The following FTCDNL1 variants were observed in gnomAD, a reference collection of about 807,000 sequenced individuals.
The protein encoded by FTCDNL1 is formiminotransferase N-terminal subdomain-containing protein.
Under a neutral mutation model 5.9 loss-of-function variants are expected in FTCDNL1, and 11 were observed. The ratio of observed to expected loss-of-function variants is 1.87; its 90% CI spans 1.18 to 3.10. FTCDNL1 has a LOEUF of 3.10. FTCDNL1 is among the 30% of genes most tolerant of loss of function. The pLI, the probability that FTCDNL1 is intolerant of heterozygous loss-of-function variation, is 0.00. For synonymous variants in FTCDNL1, 58 were observed against 24.8 expected (o/e 2.34, Z -3.99); for missense variants, 115 against 65.5 (o/e 1.76, Z -2.61).
chr2:199,739,052 AGAAG>A, the FTCDNL1 span, among the ~76,000 whole-genome samples: 5 of 152,248 alleles, frequency 3.3e-5, no homozygotes, highest in Admixed American at 6.5e-5. Flanking sequence ...ACCATGTCTC[AGAAG>A]GAAGGAAGAA....
downstream of FTCDNL1, among the ~76,000 whole-genome samples, chr2:199,804,864 CA>C (rs1371189802): frequency 2.0e-5 from 3 of 152,202 alleles, no homozygotes; most frequent in Non-Finnish European, 4.4e-5. Context: ...AAATTGTCAA[CA>C]GTTGTTGAAC....
In FTCDNL1 at chr2:199,774,548, G is replaced by C. The variant is rs1574470402; in HGVS notation, c.212-13713C>G. Among the ~76,000 whole-genome samples, 5 of 152,248 alleles carry C rather than the reference G, an allele frequency of 3.3e-5. No individual in the cohort carries two copies. The East Asian group carries it at 9.6e-4, about 29-fold the overall frequency. ...GCAGTTTTTAATGGTGGGGGCTTTA[G>C]GGGGTGGGCATGCTAGCCTTGAACA... is the stretch of plus-strand genomic sequence containing the variant. On this transcript the variant is annotated intron_variant, in intron 3 of 3. Transcript: ENST00000416668.
At chr2:199,839,664 C>A (rs1559242670) in intron 3 of FTCDNL1, among the ~76,000 whole-genome samples, 2 of 152,086 alleles carry the variant, frequency 1.3e-5, no homozygotes, top group Admixed American at 1.3e-4. Flanking sequence ...ACACTGGGAA[C>A]CAAGCAAAGA....
intron 4 of FTCDNL1, among the ~76,000 whole-genome samples, chr2:199,817,843 C>T (rs893866634): frequency 6.6e-6 from 1 of 151,938 alleles, no homozygotes; most frequent in African/African-American, 2.4e-5. Context: ...GAGGCAGAGA[C>T]ACAGATTATC....
the FTCDNL1 span, among the ~76,000 whole-genome samples, chr2:199,676,598 C>CA: frequency 6.6e-6 from 1 of 151,692 alleles, no homozygotes; most frequent in Admixed American, 6.6e-5. Flanking sequence ...AAAACATGCA[C>CA]AAAAAATAAA....
chr2:199,841,578 A>G (rs936816242), intron 3 of FTCDNL1, among the ~76,000 whole-genome samples: 1 of 152,152 alleles, frequency 6.6e-6, no homozygotes, highest in Non-Finnish European at 1.5e-5. Context: ...CTATGTAAAC[A>G]TTGTTCACGA....
chr2:199,747,026 AACACACACACACACACACACACAC>A, the FTCDNL1 span, among the ~76,000 whole-genome samples: 2 of 145,828 alleles, frequency 1.4e-5, no homozygotes, highest in African/African-American at 2.5e-5. Flanking sequence ...GTTTATTTAA[AACACACACACACACACACACACAC>A]ACACACACAC....
chr2:199,830,804 G>T (rs990295388), intron 3 of FTCDNL1, among the ~76,000 whole-genome samples: 2 of 152,112 alleles, frequency 1.3e-5, no homozygotes, highest in Non-Finnish European at 2.9e-5. Flanking sequence ...GAACATCATT[G>T]AGAAGCACAT....
chr2:199,792,108 T>C (rs1036601474), intron 3 of FTCDNL1, among the ~76,000 whole-genome samples: 4 of 151,438 alleles, frequency 2.6e-5, no homozygotes, highest in African/African-American at 9.8e-5. Flanking sequence ...CACAGTAAAT[T>C]TTGTTGAAAA....
chr2:199,786,521 C>T (rs1211036633), intron 3 of FTCDNL1, among the ~76,000 whole-genome samples: 1 of 152,020 alleles, frequency 6.6e-6, no homozygotes, highest in East Asian at 1.9e-4. Flanking sequence ...TTAGGAGTGA[C>T]ACAATTACTT....
the FTCDNL1 span, among the ~76,000 whole-genome samples, chr2:199,713,952 G>A: frequency 6.0e-4 from 92 of 152,136 alleles, no homozygotes; most frequent in Non-Finnish European, 1.2e-3. Context: ...GGCAAAACTG[G>A]GTCAAATACC....
rs140949354 is a variant in FTCDNL1, at chr2:199,809,599, G to T, written c.*3106C>A. Among the ~76,000 whole-genome samples the T allele has an allele frequency of 2.6e-3, 392 of 152,102 alleles. No individual in the cohort carries two copies. Among genetic ancestry groups the T allele is most frequent in the African/African-American group, 8.8e-3 (364 of 41,488 alleles). Reference sequence around the variant, plus strand: ...ATAGCTTCTTTTAGTATACAAAAAGGCTACAAATTTTCTTTTCTTTCAAAT... The same window carrying T: ...ATAGCTTCTTTTAGTATACAAAAAGTCTACAAATTTTCTTTTCTTTCAAAT... On this transcript the variant is annotated 3_prime_UTR_variant, in exon 5 of 5. Transcript: ENST00000420128.
rs35659317 is a variant in FTCDNL1 at position 199,849,557 on chromosome 2, TAA to T, written c.-7-590_-7-589del. ...TTCCACCAAAGTTTCTAAATCAGTTTAAAGTCTTTTTACAAAATTCTGTAACT... is the reference window on the plus strand; with the variant it reads ...TTCCACCAAAGTTTCTAAATCAGTTTAGTCTTTTTACAAAATTCTGTAACT... On this transcript the variant is annotated intron_variant, in intron 1 of 4. Coordinates refer to ENST00000420128, the MANE Select transcript of FTCDNL1 (RefSeq NM_001363886.2). Among the ~76,000 whole-genome samples, 1,365 of 152,326 alleles carry T rather than the reference TAA, an allele frequency of 9.0e-3. 18 individuals carry two copies. Among genetic ancestry groups the T allele is most frequent in the African/African-American group, 0.031 (1,271 of 41,566 alleles).
intron 3 of FTCDNL1, among the ~76,000 whole-genome samples, chr2:199,765,050 G>A (rs973328002): frequency 6.6e-6 from 1 of 152,132 alleles, no homozygotes; most frequent in Non-Finnish European, 1.5e-5. Flanking sequence ...CTCAAGATCA[G>A]CAAGGGGGAA....
chr2:199,783,108 G>T (rs1699453404), intron 3 of FTCDNL1, among the ~76,000 whole-genome samples: 1 of 152,160 alleles, frequency 6.6e-6, no homozygotes, highest in Non-Finnish European at 1.5e-5. Context: ...ATCATACAGG[G>T]CCATCAGGGA....
intron 3 of FTCDNL1, among the ~76,000 whole-genome samples, chr2:199,764,108 T>C (rs901776731): frequency 2.0e-5 from 3 of 152,158 alleles, no homozygotes; most frequent in African/African-American, 7.2e-5. Context: ...TCCCAAAGTG[T>C]TGGGATAACA....
intron 3 of FTCDNL1, among the ~76,000 whole-genome samples, chr2:199,787,364 A>C (rs1447708134): frequency 6.6e-6 from 1 of 151,932 alleles, no homozygotes; most frequent in Non-Finnish European, 1.5e-5. Context: ...TTGTATTTTT[A>C]GTAGAGACGG....
chr2:199,734,638 A>T, the FTCDNL1 span, among the ~76,000 whole-genome samples: 1 of 152,238 alleles, frequency 6.6e-6, no homozygotes, highest in Non-Finnish European at 1.5e-5. Flanking sequence ...ATGACACATG[A>T]TCACCAAAGG....
At chr2:199,844,274 C>T (rs1449421789) in intron 3 of FTCDNL1, 1 of 419,914 alleles carries the variant, frequency 2.4e-6, no homozygotes, top group Non-Finnish European at 4.3e-6. Context: ...TCTTCAAGAT[C>T]AACTTTTCCC....
Sources: gnomAD v4.1 joint callset for allele counts (sites outside exome capture counted in the v4.1 genomes callset) on GRCh38, gnomAD v4.1.1 for gene constraint, MANE v1.5 for transcripts, NCBI Gene and HGNC (gene_info 2026-07-23, HGNC 2026-07-21) for gene names.